QTMAN: variants seen among roughly 807,000 people sequenced by gnomAD.
QTMAN encodes tRNA-queuosine alpha-mannosyltransferase.
the QTMAN span, among the ~76,000 whole-genome samples, chr2:144,014,176 A>G: frequency 2.0e-5 from 3 of 152,166 alleles, no homozygotes; most frequent in African/African-American, 7.2e-5. Context: ...AATGGCTAAC[A>G]GCTAATATTC....
the QTMAN span, among the ~76,000 whole-genome samples, chr2:144,055,750 C>T: frequency 6.6e-6 from 1 of 152,148 alleles, no homozygotes; most frequent in East Asian, 1.9e-4. Flanking sequence ...GAGAAGGATC[C>T]ACTAAGAAGG....
At chr2:144,206,866 G>GC in the QTMAN span, among the ~76,000 whole-genome samples, 1 of 152,138 alleles carries the variant, frequency 6.6e-6, no homozygotes, top group Non-Finnish European at 1.5e-5. Context: ...AACAGATATA[G>GC]AAATGGCTCA....
chr2:143,976,528 C>A, the QTMAN span, among the ~76,000 whole-genome samples: 1 of 152,146 alleles, frequency 6.6e-6, no homozygotes, highest in Non-Finnish European at 1.5e-5. Flanking sequence ...TTAGAATTAC[C>A]GACTTCTCCA....
the QTMAN span, among the ~76,000 whole-genome samples, chr2:144,084,328 C>T: frequency 4.6e-5 from 7 of 152,188 alleles, no homozygotes; most frequent in Non-Finnish European, 1.0e-4. Context: ...TATTTTTCAT[C>T]TGAGTTTCCC....
At chr2:144,304,828 C>T in the QTMAN span, among the ~76,000 whole-genome samples, 5 of 152,174 alleles carry the variant, frequency 3.3e-5, no homozygotes, top group South Asian at 4.2e-4. Flanking sequence ...AATACAAAGA[C>T]GCAGATGAGA....
chr2:144,035,012 T>C, the QTMAN span, among the ~76,000 whole-genome samples: 15,481 of 152,164 alleles, frequency 0.1, 1,199 homozygotes, highest in East Asian at 0.26. Context: ...GTTTGGAAAT[T>C]TGTCCCCGCC....
At chr2:144,180,605 C>A in the QTMAN span, among the ~76,000 whole-genome samples, 1 of 152,070 alleles carries the variant, frequency 6.6e-6, no homozygotes, top group African/African-American at 2.4e-5. Context: ...AATTTTAAAT[C>A]CAATAATTTT....
At chr2:144,127,076 G>A in the QTMAN span, among the ~76,000 whole-genome samples, 1 of 151,916 alleles carries the variant, frequency 6.6e-6, no homozygotes, top group East Asian at 1.9e-4. Flanking sequence ...TCTACCTACA[G>A]TTAGAAGTAA....
the QTMAN span, among the ~76,000 whole-genome samples, chr2:144,178,067 C>T: frequency 6.6e-6 from 1 of 152,100 alleles, no homozygotes; most frequent in East Asian, 1.9e-4. Context: ...ATGTTGTTCA[C>T]CACCGTTTAT....
the QTMAN span, among the ~76,000 whole-genome samples, chr2:144,166,567 C>A: frequency 1.3e-5 from 2 of 152,120 alleles, no homozygotes; most frequent in Non-Finnish European, 2.9e-5. Context: ...TATATATATG[C>A]AATCTTTGGC....
chr2:144,079,768 T>C, the QTMAN span, among the ~76,000 whole-genome samples: 1 of 152,148 alleles, frequency 6.6e-6, no homozygotes, highest in Admixed American at 6.6e-5. Flanking sequence ...GACAAAATTG[T>C]TGAAAAATAA....
At chr2:144,137,332 G>A in the QTMAN span, among the ~76,000 whole-genome samples, 38 of 152,082 alleles carry the variant, frequency 2.5e-4, no homozygotes, top group African/African-American at 9.2e-4. Flanking sequence ...TATTTGATGT[G>A]CAGAGTTGCC....
At chr2:144,166,497 T>C in the QTMAN span, among the ~76,000 whole-genome samples, 2 of 152,184 alleles carry the variant, frequency 1.3e-5, no homozygotes, top group African/African-American at 4.8e-5. Context: ...GTAACCCCAA[T>C]ACCTGGCTCT....
chr2:144,109,608 C>A, the QTMAN span, among the ~76,000 whole-genome samples: 2 of 151,858 alleles, frequency 1.3e-5, no homozygotes, highest in South Asian at 4.2e-4. Context: ...AGTGAACAGG[C>A]AACCTACAGA....
the QTMAN span, among the ~76,000 whole-genome samples, chr2:144,112,540 A>G: frequency 6.6e-6 from 1 of 152,258 alleles, no homozygotes; most frequent in African/African-American, 2.4e-5. Context: ...AAGGACAAGC[A>G]AAGGGATGGT....
At chr2:144,292,431 A>T in the QTMAN span, among the ~76,000 whole-genome samples, 27 of 150,334 alleles carry the variant, frequency 1.8e-4, no homozygotes, top group South Asian at 5.1e-3. Context: ...AACTAATACA[A>T]TTTTTTTTTT....
chr2:144,302,203 C>T, the QTMAN span, among the ~76,000 whole-genome samples: 18 of 151,916 alleles, frequency 1.2e-4, no homozygotes, highest in Middle Eastern at 3.4e-3. Flanking sequence ...TTACCCCATG[C>T]CACCACAAAT....
the QTMAN span, among the ~76,000 whole-genome samples, chr2:144,158,504 G>A: frequency 8.6e-5 from 13 of 151,926 alleles, no homozygotes; most frequent in Admixed American, 7.9e-4. Flanking sequence ...AAGGCAGAGA[G>A]AATATCAGCA....
At chr2:144,144,232 C>T in the QTMAN span, among the ~76,000 whole-genome samples, 1 of 151,840 alleles carries the variant, frequency 6.6e-6, no homozygotes, top group African/African-American at 2.4e-5. Context: ...GGCATGTGAC[C>T]CAATGACTTA....
Sources: allele counts gnomAD v4.1 joint callset (sites outside exome capture counted in the v4.1 genomes callset), GRCh38; gene constraint gnomAD v4.1.1; transcripts MANE v1.5; gene names NCBI Gene and HGNC (gene_info 2026-07-23, HGNC 2026-07-21).